Variants in KCNIP1 observed in about 807,000 individuals in gnomAD.
KCNIP1 encodes potassium voltage-gated channel interacting protein 1, also known as A-type potassium channel modulatory protein KCNIP1.
A neutral mutation model predicts 33.0 loss-of-function variants in KCNIP1; 18 were observed. That is an observed-to-expected ratio of 0.55 (90% CI 0.38 to 0.81). The LOEUF (loss-of-function observed/expected upper bound fraction) is 0.81. KCNIP1 is among the 30% of genes least tolerant of loss of function. The pLI is 0.00. For missense variants in KCNIP1, 238 were observed against 271.6 expected, an observed-to-expected ratio of 0.88 and a Z score of 0.87; for synonymous variants, 93 against 98.3, an observed-to-expected ratio of 0.95 and a Z score of 0.32.
At chr5:170,734,699 A>C (rs527737914) in intron 7 of KCNIP1, among the ~76,000 whole-genome samples, 3 of 152,366 alleles carry the variant, frequency 2.0e-5, no homozygotes, top group African/African-American at 7.2e-5. Context: ...GAAGAATAGC[A>C]AATGTAAGAA....
intron 1 of KCNIP1, among the ~76,000 whole-genome samples, chr5:170,465,740 TG>T (rs1280343179): frequency 1.3e-5 from 2 of 152,144 alleles, no homozygotes; most frequent in Non-Finnish European, 2.9e-5. Flanking sequence ...GAAGGCTTCT[TG>T]AACTAGGACC....
chr5:170,733,005 A>G, intron 6 of KCNIP1, 101 bp downstream of exon 6: 1 of 674,270 alleles, frequency 1.5e-6, no homozygotes, highest in Admixed American at 2.3e-5. Context: ...TGTACTAAGC[A>G]TGGTTGGTAA....
chr5:170,446,200 T>A (rs1369263009), intron 1 of KCNIP1, among the ~76,000 whole-genome samples: 1 of 152,178 alleles, frequency 6.6e-6, no homozygotes, highest in African/African-American at 2.4e-5. Context: ...TGTTCTCCCC[T>A]TTTATTTTGT....
rs1264671152 is a variant in KCNIP1 at position 170,677,056 on chromosome 5, A to G, written c.62-41702A>G. On this transcript the variant is annotated intron_variant, in intron 1 of 7. Transcript: ENST00000328939. ...GATCTCCAGACTATACGTACTCAAT[A>G]TATGACTTGTCCATGGGGCCCAGCT... is the stretch of plus-strand genomic sequence containing the variant. Among the ~76,000 whole-genome samples the G allele has an allele frequency of 3.9e-5, 6 of 152,208 alleles. No homozygotes were observed. The East Asian group carries it at 7.7e-4, about 20-fold the overall frequency.
At chr5:170,376,901 CA>C (rs1368540903) in intron 1 of KCNIP1, 1 of 152,052 alleles carries the variant, frequency 6.6e-6, no homozygotes, top group Non-Finnish European at 1.5e-5. Context: ...ACACACAAAA[CA>C]AACAAAAAAA....
At position 170,489,122 on chromosome 5, in the gene KCNIP1, G is replaced by A. The variant is rs1018079799; in HGVS notation, c.88+135158G>A. Among the ~76,000 whole-genome samples the A allele has an allele frequency of 6.6e-5, 10 of 152,310 alleles. No individual in the cohort carries two copies. The highest frequency in any genetic ancestry group is 1.4e-4 in the African/African-American group (6 of 41,568). On this transcript the variant is annotated intron_variant, in intron 1 of 7. Coordinates refer to the KCNIP1 transcript ENST00000377360. The surrounding 1 kb of genome is among the most constrained non-coding windows in gnomAD (Gnocchi z 4.3). ...CCAGAGGGCAGGAGACCAGCCAGGC[G>A]GGGAGGCTGACCCAATGGCCCCGGA... is the stretch of plus-strand genomic sequence containing the variant.
At chr5:170,681,349 T>G (rs111381525) in intron 1 of KCNIP1, 1 of 379,184 alleles carries the variant, frequency 2.6e-6, no homozygotes, top group African/African-American at 2.1e-5. Flanking sequence ...CGCGCCCCAG[T>G]GCTGCGCTGT....
chr5:170,503,395 A>AG (rs1757457605), upstream of KCNIP1, among the ~76,000 whole-genome samples: 1 of 148,296 alleles, frequency 6.7e-6, no homozygotes, highest in Non-Finnish European at 1.5e-5. Context: ...CTCCGTCTCA[A>AG]AAAAAAAAAA....
intron 1 of KCNIP1, among the ~76,000 whole-genome samples, chr5:170,567,939 G>T (rs185273989): frequency 8.8e-4 from 134 of 152,302 alleles, no homozygotes; most frequent in African/African-American, 3.0e-3. Flanking sequence ...GATGAGATTT[G>T]CACCCAAGGT....
upstream of KCNIP1, among the ~76,000 whole-genome samples, chr5:170,502,134 T>C (rs927945817): frequency 4.6e-5 from 7 of 152,186 alleles, no homozygotes; most frequent in African/African-American, 1.7e-4. Flanking sequence ...TAACACAAGG[T>C]AAGCCTCAAT....
intron 1 of KCNIP1, among the ~76,000 whole-genome samples, chr5:170,587,636 A>T (rs1475678373): frequency 6.6e-6 from 1 of 152,060 alleles, no homozygotes; most frequent in Non-Finnish European, 1.5e-5. Context: ...CCATGTCCTA[A>T]GCACATCCCT....
intron 1 of KCNIP1, among the ~76,000 whole-genome samples, chr5:170,390,159 C>T (rs1764660003): frequency 6.7e-6 from 1 of 149,912 alleles, no homozygotes; most frequent in Non-Finnish European, 1.5e-5. Context: ...AGGCAAAAAA[C>T]ATGCTTTTAG....
At chr5:170,569,637 G>C (rs1425455476) in intron 1 of KCNIP1, among the ~76,000 whole-genome samples, 6 of 152,176 alleles carry the variant, frequency 3.9e-5, no homozygotes, top group Non-Finnish European at 8.8e-5. Context: ...CTAGCTACTC[G>C]GGAGGCTGAG....
chr5:170,410,221 T>C (rs10063956), intron 1 of KCNIP1, among the ~76,000 whole-genome samples: 8 of 151,580 alleles, frequency 5.3e-5, no homozygotes, highest in Non-Finnish European at 1.0e-4. Flanking sequence ...CTCAGGGGAT[T>C]GCAGACATAG....
At chr5:170,432,392 CTTAG>C (rs1000570578) in intron 1 of KCNIP1, among the ~76,000 whole-genome samples, 125 of 152,256 alleles carry the variant, frequency 8.2e-4, no homozygotes, top group African/African-American at 2.7e-3. Context: ...TAACCTAATC[CTTAG>C]TTAATTAATA....
intron 1 of KCNIP1, among the ~76,000 whole-genome samples, chr5:170,366,996 T>C (rs557147600): frequency 6.6e-6 from 1 of 152,174 alleles, no homozygotes. Context: ...GTGAACTTGT[T>C]GGAAGGGCAG....
intron 1 of KCNIP1, among the ~76,000 whole-genome samples, chr5:170,586,263 A>G (rs1581362195): frequency 6.6e-6 from 1 of 152,308 alleles, no homozygotes; most frequent in African/African-American, 2.4e-5. Flanking sequence ...GGCCTCTGCA[A>G]TTCATCTGCC....
rs551036873 is a variant in KCNIP1 at position 170,436,090 on chromosome 5, C to T, written c.88+82126C>T. On this transcript the variant is annotated intron_variant, in intron 1 of 7. Transcript: ENST00000377360. ...AATCCACCCTACAGGACTGTGGAGC[C>T]GAGAAGATGTGGGGCTGAGCATTTA... Among the ~76,000 whole-genome samples, 10 of 152,222 alleles carry T rather than the reference C, an allele frequency of 6.6e-5. No individual in the cohort carries two copies. In the South Asian group the frequency reaches 1.7e-3, roughly 25 times the overall value.
rs114786950 is a variant in KCNIP1, at chr5:170,497,824, C to T, written c.88+143860C>T. ...ATCTGGGTAACTGGGAGGGCTTTACCGCCAGTGTCCCAGCTGCGTGGGTGG... is the reference window on the plus strand; with the variant it reads ...ATCTGGGTAACTGGGAGGGCTTTACTGCCAGTGTCCCAGCTGCGTGGGTGG... On this transcript the variant is annotated intron_variant, in intron 1 of 7. Coordinates refer to the KCNIP1 transcript ENST00000377360. Among the ~76,000 whole-genome samples the T allele has an allele frequency of 3.5e-3, 526 of 152,354 alleles. 2 individuals are homozygous for T. The highest frequency in any genetic ancestry group is 8.8e-3 in the Admixed American group (134 of 15,304).
Sources: allele counts gnomAD v4.1 joint callset (sites outside exome capture counted in the v4.1 genomes callset), GRCh38; gene constraint gnomAD v4.1.1; non-coding constraint Gnocchi (gnomAD v3.1); transcripts MANE v1.5; gene names NCBI Gene and HGNC (gene_info 2026-07-23, HGNC 2026-07-21).